Variants in ZSCAN5A observed in about 807,000 individuals in gnomAD.
ZSCAN5A encodes zinc finger and SCAN domain containing 5A.
ZSCAN5A carries 12 observed loss-of-function variants against 23.7 expected under a neutral mutation model. The observed-to-expected ratio is 0.51, with a 90% CI of 0.32 to 0.82. ZSCAN5A has a LOEUF of 0.82. Among genes scored for constraint, ZSCAN5A ranks in the 40% least tolerant of loss-of-function variants. ZSCAN5A has a pLI of 0.03. For synonymous variants in ZSCAN5A, 257 were observed against 239.9 expected (o/e 1.07, Z -0.66); for missense variants, 597 against 617.9 (o/e 0.97, Z 0.36).
chr19:56,333,810 C>G (rs1321125819), intron 2 of ZSCAN5A, among the ~76,000 whole-genome samples: 1 of 151,824 alleles, frequency 6.6e-6, no homozygotes, highest in Admixed American at 6.6e-5. Flanking sequence ...AGCAAACATA[C>G]TGTATGCTCA....
intron 2 of ZSCAN5A, among the ~76,000 whole-genome samples, chr19:56,273,241 G>A (rs1201486893): frequency 6.6e-6 from 1 of 152,196 alleles, no homozygotes; most frequent in Non-Finnish European, 1.5e-5. Flanking sequence ...TGGGACTGTT[G>A]CATGTCATTG....
At chr19:56,319,725 A>AGACCTGTTTAACAAACAC, upstream of ZSCAN5A, 3 of 660,560 alleles carry the variant, frequency 4.5e-6, no homozygotes, top group Non-Finnish European at 5.5e-6. Context: ...TGCACAAACA[A>AGACCTGTTTAACAAACAC]GACCTGTTTA....
At chr19:56,251,352 T>C (rs757335537) in intron 2 of ZSCAN5A, among the ~76,000 whole-genome samples, 1 of 152,314 alleles carries the variant, frequency 6.6e-6, no homozygotes, top group African/African-American at 2.4e-5. Flanking sequence ...TTTTGGACTT[T>C]TGGCCTTTAT....
intron 2 of ZSCAN5A, chr19:56,363,151 G>A (rs2041745011): frequency 6.6e-6 from 1 of 152,186 alleles, no homozygotes; most frequent in Non-Finnish European, 1.5e-5. Context: ...GTTTTCAGGT[G>A]AGGGATATGA....
chr19:56,365,605 A>C (rs941186202), intron 1 of ZSCAN5A: 5 of 152,242 alleles, frequency 3.3e-5, no homozygotes, highest in Non-Finnish European at 7.3e-5. Context: ...AAAAAGCTGA[A>C]CAAACTGAAA....
intron 2 of ZSCAN5A, among the ~76,000 whole-genome samples, chr19:56,258,138 GA>G (rs1324935374): frequency 1.3e-5 from 2 of 152,234 alleles, no homozygotes; most frequent in African/African-American, 4.8e-5. Flanking sequence ...GGTGCTGGGG[GA>G]TTCTGCAAGC....
intron 2 of ZSCAN5A, among the ~76,000 whole-genome samples, chr19:56,227,776 C>A (rs925652940): frequency 2.0e-5 from 3 of 152,096 alleles, no homozygotes; most frequent in Admixed American, 6.5e-5. Context: ...GGGTGTGTGG[C>A]AGGCAAAGTG....
rs766795772 is a variant in ZSCAN5A, at chr19:56,313,299, G to A, written c.-144C>T. 128 of 342,366 alleles carry A rather than the reference G, an allele frequency of 3.7e-4. No homozygotes were observed. The highest frequency in any genetic ancestry group is 6.3e-4 in the Non-Finnish European group (109 of 173,050). 21.2% of individuals were successfully genotyped at this position (342,366 alleles called of 1,614,324 possible). On this transcript the variant is annotated 5_prime_UTR_variant, in exon 2 of 6. Transcript: ENST00000683990. ...TGGACTTACAGTTTCACGTGGCTGG[G>A]GAGGCCTCACAATCATGGCAGAAGG...
intron 2 of ZSCAN5A, among the ~76,000 whole-genome samples, chr19:56,254,856 T>C (rs1475197631): frequency 6.6e-6 from 1 of 152,138 alleles, no homozygotes; most frequent in East Asian, 1.9e-4. Context: ...GAGAAATGTC[T>C]AAGTTCTTTG....
intron 2 of ZSCAN5A, among the ~76,000 whole-genome samples, chr19:56,278,944 G>A (rs571981692): frequency 1.6e-4 from 24 of 152,164 alleles, no homozygotes; most frequent in Non-Finnish European, 3.2e-4. Context: ...CTCACCCACC[G>A]TGAGGGTGGA....
At chr19:56,280,526 T>C (rs1194797889) in intron 2 of ZSCAN5A, 1 of 152,196 alleles carries the variant, frequency 6.6e-6, no homozygotes, top group Non-Finnish European at 1.5e-5. Flanking sequence ...TAGATATATA[T>C]TTCTTTATCA....
intron 2 of ZSCAN5A, chr19:56,342,828 T>G (rs1015493262): frequency 6.1e-6 from 5 of 818,758 alleles, no homozygotes; most frequent in African/African-American, 1.7e-5. Flanking sequence ...TCCTAAGACA[T>G]CTTCCTCTCA....
At chr19:56,327,462 T>C (rs2041445077) in intron 2 of ZSCAN5A, among the ~76,000 whole-genome samples, 1 of 150,466 alleles carries the variant, frequency 6.6e-6, no homozygotes, top group South Asian at 2.1e-4. Context: ...TAATAATACA[T>C]TTACTATGTT....
At chr19:56,277,049 C>T (rs2038318782) in intron 2 of ZSCAN5A, among the ~76,000 whole-genome samples, 1 of 152,206 alleles carries the variant, frequency 6.6e-6, no homozygotes, top group South Asian at 2.1e-4. Flanking sequence ...TATCACTTCA[C>T]ACTAACTAAC....
intron 2 of ZSCAN5A, among the ~76,000 whole-genome samples, chr19:56,355,157 G>T (rs748527228): frequency 8.0e-6 from 1 of 125,010 alleles, no homozygotes; most frequent in Non-Finnish European, 1.7e-5. Context: ...CAGCTCCACG[G>T]GTCTCCCATA....
chr19:56,337,351 C>T (rs548735163), intron 2 of ZSCAN5A, among the ~76,000 whole-genome samples: 18 of 152,358 alleles, frequency 1.2e-4, no homozygotes, highest in Middle Eastern at 3.4e-3. Flanking sequence ...TAGCAATGAG[C>T]GAGGCTCTGT....
At chr19:56,298,180 G>A (rs903311647) in intron 2 of ZSCAN5A, 11 of 152,052 alleles carry the variant, frequency 7.2e-5, no homozygotes, top group African/African-American at 2.7e-4. Flanking sequence ...GAAACAAACT[G>A]CCAATATTTG....
At chr19:56,342,392 C>A in intron 2 of ZSCAN5A, 1 of 248,236 alleles carries the variant, frequency 4.0e-6, no homozygotes, top group East Asian at 9.2e-5. Flanking sequence ...GATACTAGTA[C>A]CCTTAGTTTA....
intron 2 of ZSCAN5A, among the ~76,000 whole-genome samples, chr19:56,323,057 G>A (rs1336704722): frequency 6.6e-6 from 1 of 151,708 alleles, no homozygotes; most frequent in African/African-American, 2.4e-5. Flanking sequence ...ACCACGCCCG[G>A]CTAATTTTTT....
Sources: allele counts gnomAD v4.1 joint callset (sites outside exome capture counted in the v4.1 genomes callset), GRCh38; gene constraint gnomAD v4.1.1; transcripts MANE v1.5; gene names NCBI Gene and HGNC (gene_info 2026-07-23, HGNC 2026-07-21).